BACH2: variants seen among roughly 807,000 people sequenced by gnomAD.
BACH2 encodes the protein BACH transcriptional regulator 2.
BACH2 carries 5 observed loss-of-function variants against 61.8 expected under a neutral mutation model. The observed-to-expected ratio is 0.08, with a 90% CI of 0.04 to 0.17. The LOEUF is 0.17. Ranked by LOEUF, BACH2 falls within the 10% of genes least tolerant of loss-of-function variation. The probability of loss-of-function intolerance (pLI) is 1.00; values close to 1 mark genes in which losing one functional copy is unlikely to be tolerated. For synonymous variants in BACH2, 446 were observed against 440.1 expected, an observed-to-expected ratio of 1.01 and a Z score of -0.17; for missense variants, 824 against 1,091.1, an observed-to-expected ratio of 0.76 and a Z score of 3.45.
chr6:90,040,603 A>T (rs1221747517), intron 5 of BACH2, among the ~76,000 whole-genome samples: 6 of 151,804 alleles, frequency 4.0e-5, no homozygotes, highest in Admixed American at 3.9e-4. Flanking sequence ...ATTCACATTA[A>T]ATTTGTGATG....
At chr6:89,984,422 T>C (rs1321415114) in intron 6 of BACH2, among the ~76,000 whole-genome samples, 1 of 151,948 alleles carries the variant, frequency 6.6e-6, no homozygotes, top group Non-Finnish European at 1.5e-5. Context: ...ACCCTCACCA[T>C]AAAGAGGGCT....
intron 4 of BACH2, among the ~76,000 whole-genome samples, chr6:90,100,984 A>G (rs1346649418): frequency 1.3e-5 from 2 of 152,136 alleles, no homozygotes; most frequent in Non-Finnish European, 2.9e-5. Flanking sequence ...TTTGATTTGC[A>G]TTTCCCTAAT....
chr6:90,249,084 A>G (rs1228445182), intron 3 of BACH2, among the ~76,000 whole-genome samples: 2 of 152,212 alleles, frequency 1.3e-5, no homozygotes, highest in Non-Finnish European at 2.9e-5. Flanking sequence ...TGTCTTGTAG[A>G]ATGGGAAAAA....
Position 90,100,396 on chromosome 6 carries a change from A to G in BACH2, c.-161-11287T>C, listed in dbSNP as rs1782564014. ...CAAACATGTTTGGGTGTCGTTACAA[A>G]GGTGTTTTTTAGATGAGATTAACAT... On this transcript the variant is annotated intron_variant, in intron 4 of 8. Coordinates refer to ENST00000257749, the MANE Select transcript of BACH2 (RefSeq NM_021813.4). 1.3e-5 allele frequency among the ~76,000 whole-genome samples: 2 copies of G among 152,158 alleles called. 1 individual carries two copies. The highest frequency in any genetic ancestry group is 2.9e-5 in the Non-Finnish European group (2 of 68,034).
At chr6:90,102,219 G>A (rs548012224) in intron 4 of BACH2, among the ~76,000 whole-genome samples, 3 of 152,110 alleles carry the variant, frequency 2.0e-5, no homozygotes, top group African/African-American at 4.8e-5. Flanking sequence ...TTGGGTTATG[G>A]TCTTGGTGGC....
At chr6:90,081,021 A>T (rs1781702211) in intron 5 of BACH2, among the ~76,000 whole-genome samples, 1 of 152,114 alleles carries the variant, frequency 6.6e-6, no homozygotes, top group East Asian at 1.9e-4. Context: ...CAGACTCCAA[A>T]TGACTGTGCT....
At chr6:90,096,932 C>G (rs1005188795) in intron 4 of BACH2, among the ~76,000 whole-genome samples, 9 of 152,240 alleles carry the variant, frequency 5.9e-5, no homozygotes, top group African/African-American at 2.2e-4. Flanking sequence ...GTCACATACC[C>G]TTCAGATAAT....
intron 2 of BACH2, among the ~76,000 whole-genome samples, chr6:90,268,527 G>T (rs954791916): frequency 6.6e-6 from 1 of 152,126 alleles, no homozygotes; most frequent in South Asian, 2.1e-4. Flanking sequence ...ACAGCAGCTT[G>T]CCAGAGTAAT....
intron 5 of BACH2, among the ~76,000 whole-genome samples, chr6:90,060,081 G>A (rs1348902408): frequency 2.0e-5 from 3 of 150,824 alleles, no homozygotes; most frequent in African/African-American, 7.3e-5. Context: ...CGTATGTAAC[G>A]AAGCTGCACG....
chr6:89,963,068 T>A (rs1054738955), intron 6 of BACH2, among the ~76,000 whole-genome samples: 1 of 152,100 alleles, frequency 6.6e-6, no homozygotes, highest in Non-Finnish European at 1.5e-5. Flanking sequence ...CAACTAAAAG[T>A]AGGCAAAGGA....
intron 3 of BACH2, among the ~76,000 whole-genome samples, chr6:90,230,145 T>C (rs1338781461): frequency 1.3e-5 from 2 of 152,190 alleles, no homozygotes; most frequent in African/African-American, 2.4e-5. Context: ...TGAGAAAGGA[T>C]GCTGAGGCCA....
At chr6:90,193,292 C>T (rs1768639187) in intron 4 of BACH2, among the ~76,000 whole-genome samples, 1 of 152,138 alleles carries the variant, frequency 6.6e-6, no homozygotes, top group African/African-American at 2.4e-5. Context: ...AAAATGAGGT[C>T]ATACTGGAAG....
At chr6:90,062,969 A>C (rs1306765107) in intron 5 of BACH2, 1 of 975,656 alleles carries the variant, frequency 1.0e-6, no homozygotes, top group African/African-American at 1.8e-5. Context: ...TTTACCTGGC[A>C]ATTTGAATAA....
intron 3 of BACH2, among the ~76,000 whole-genome samples, chr6:90,221,880 AG>A (rs1051141743): frequency 6.6e-5 from 10 of 152,332 alleles, no homozygotes; most frequent in African/African-American, 2.4e-4. Flanking sequence ...ATGAGGCCAA[AG>A]AGGTAACTGA....
intron 3 of BACH2, among the ~76,000 whole-genome samples, chr6:90,243,025 A>C: frequency 7.0e-6 from 1 of 142,988 alleles, no homozygotes; most frequent in Non-Finnish European, 1.5e-5. Flanking sequence ...GATTACAGGG[A>C]TACACCACCA....
intron 2 of BACH2, among the ~76,000 whole-genome samples, chr6:90,253,081 A>C (rs1770861985): frequency 6.6e-6 from 1 of 152,168 alleles, no homozygotes; most frequent in East Asian, 1.9e-4. Context: ...TCGTCTCTAC[A>C]AGACATACAC....
At position 89,931,954 on chromosome 6, in the gene BACH2, T is replaced by C; in HGVS notation, c.*454A>G. 1 of 147,488 alleles carries C rather than the reference T, an allele frequency of 6.8e-6. No individual in the cohort carries two copies. The highest frequency in any genetic ancestry group is 1.5e-5 in the Non-Finnish European group (1 of 67,072). The allele number at this position is 147,488 out of a possible 1,614,324, so 9.1% of individuals were successfully genotyped here. On this transcript the variant is annotated 3_prime_UTR_variant, in exon 9 of 9. Transcript: ENST00000257749. ...ATATGGATATATATATATATATATA[T>C]ATATTTTATATATATATTATATATA...
chr6:90,153,541 T>G, intron 4 of BACH2, among the ~76,000 whole-genome samples: 1 of 152,172 alleles, frequency 6.6e-6, no homozygotes, highest in South Asian at 2.1e-4. Flanking sequence ...TTTCTTTTTA[T>G]CACACTAGTA....
chr6:90,039,636 G>A (rs1417555967), intron 5 of BACH2, among the ~76,000 whole-genome samples: 4 of 152,084 alleles, frequency 2.6e-5, no homozygotes, highest in Admixed American at 1.3e-4. Context: ...TGCTCGCCTC[G>A]GCCTCCCAAA....
Sources: allele counts gnomAD v4.1 joint callset (sites outside exome capture counted in the v4.1 genomes callset), GRCh38; gene constraint gnomAD v4.1.1; transcripts MANE v1.5; gene names NCBI Gene and HGNC (gene_info 2026-07-23, HGNC 2026-07-21).